PIK3CD: variants seen among roughly 807,000 people sequenced by gnomAD.
The protein encoded by PIK3CD is phosphatidylinositol-4,5-bisphosphate 3-kinase catalytic subunit delta, also known as phosphatidylinositol 4,5-bisphosphate 3-kinase catalytic subunit delta isoform.
In PIK3CD, 20 loss-of-function variants were observed where a neutral mutation model predicts 122.9. The ratio of observed to expected loss-of-function variants is 0.16; its 90% CI spans 0.11 to 0.24. The LOEUF is 0.24. PIK3CD is among the 10% of genes least tolerant of loss of function. PIK3CD has a pLI of 1.00. For missense variants in PIK3CD, 787 were observed against 1,406.3 expected (o/e 0.56, Z 7.04); for synonymous variants, 596 against 593.4 (o/e 1.00, Z -0.06).
intron 1 of PIK3CD, among the ~76,000 whole-genome samples, chr1:9,666,798 G>A (rs6680148): frequency 0.17 from 25,503 of 151,666 alleles, 2,958 homozygotes; most frequent in East Asian, 0.54. Context: ...TCTGCCTCCC[G>A]GGTTCAGGCA....
chr1:9,705,297 T>A (rs962714601), intron 2 of PIK3CD, among the ~76,000 whole-genome samples: 2 of 149,946 alleles, frequency 1.3e-5, no homozygotes, highest in Admixed American at 6.6e-5. Context: ...AAACATATAT[T>A]TTTTTAAAGT....
At position 9,723,459 on chromosome 1, in the gene PIK3CD, C is replaced by T. The variant is rs922429320; in HGVS notation, c.2594+167C>T. On this transcript the variant is annotated intron_variant, in intron 20 of 23. Coordinates refer to ENST00000377346, the MANE Select transcript of PIK3CD (RefSeq NM_005026.5). The surrounding 1 kb of genome is among the most constrained non-coding windows in gnomAD (Gnocchi z 4.9). ...GTCTGGGTTGGGGTGAGGTAGGTCT[C>T]TCTTCCCCAAGTATCAGTGTCTCTT... Among the ~76,000 whole-genome samples the T allele has an allele frequency of 6.6e-6, 1 of 152,210 alleles. No individual in the cohort carries two copies. The highest frequency in any genetic ancestry group is 1.5e-5 in the Non-Finnish European group (1 of 68,034).
At chr1:9,632,170 G>A in the PIK3CD span, among the ~76,000 whole-genome samples, 19 of 151,874 alleles carry the variant, frequency 1.3e-4, no homozygotes, top group African/African-American at 4.1e-4. Flanking sequence ...GCGCCACCAC[G>A]CCCAGCTAAT....
At chr1:9,635,555 T>C in the PIK3CD span, among the ~76,000 whole-genome samples, 1 of 152,196 alleles carries the variant, frequency 6.6e-6, no homozygotes, top group South Asian at 2.1e-4. Flanking sequence ...AATCACTGAT[T>C]GGCTCGCCTT....
the PIK3CD span, among the ~76,000 whole-genome samples, chr1:9,640,628 G>A: frequency 1.3e-5 from 2 of 151,962 alleles, no homozygotes; most frequent in African/African-American, 4.8e-5. Flanking sequence ...TGGTGTGCTG[G>A]TGCATTCTCC....
chr1:9,673,622 C>T (rs1645408241), intron 1 of PIK3CD, among the ~76,000 whole-genome samples: 1 of 151,924 alleles, frequency 6.6e-6, no homozygotes, highest in Non-Finnish European at 1.5e-5. Flanking sequence ...AGGCTGGTCT[C>T]GAACTCCTGG....
rs1646090436 is a variant in PIK3CD, at chr1:9,689,166, C to A, written c.-137-2301C>A. Among the ~76,000 whole-genome samples, 1 of 152,188 alleles carries A rather than the reference C, an allele frequency of 6.6e-6. No individual in the cohort carries two copies. The highest frequency in any genetic ancestry group is 1.5e-5 in the Non-Finnish European group (1 of 68,032). On this transcript the variant is annotated intron_variant, in intron 1 of 23. Coordinates refer to ENST00000377346, the MANE Select transcript of PIK3CD (RefSeq NM_005026.5). This position sits in a 1 kb window ranked among gnomAD's most constrained non-coding sequence, Gnocchi z 6.1. ...GAGCGGAAAGCAGTTTGGTGGACGA[C>A]CAGCCCTCCCTTGCTTTGCAGGTGG...
At chr1:9,628,674 G>A in the PIK3CD span, among the ~76,000 whole-genome samples, 1 of 152,204 alleles carries the variant, frequency 6.6e-6, no homozygotes, top group Non-Finnish European at 1.5e-5. Flanking sequence ...GTGGCCCAGA[G>A]TTGGTGGCCC....
chr1:9,669,007 A>T (rs1299960053), intron 1 of PIK3CD, among the ~76,000 whole-genome samples: 1 of 152,050 alleles, frequency 6.6e-6, no homozygotes, highest in African/African-American at 2.4e-5. Context: ...TGTCTTGGTG[A>T]CTGTTCGCTG....
the PIK3CD span, among the ~76,000 whole-genome samples, chr1:9,645,011 T>TTTCC: frequency 9.5e-6 from 1 of 105,482 alleles, no homozygotes. Flanking sequence ...TTTTCTTTTC[T>TTTCC]TTTCTTTTCT....
chr1:9,683,423 G>C (rs1206742107), intron 1 of PIK3CD, among the ~76,000 whole-genome samples: 3 of 149,826 alleles, frequency 2.0e-5, no homozygotes, highest in Non-Finnish European at 4.4e-5. Flanking sequence ...GGGCGACAGA[G>C]TGAGACTCTG....
intron 1 of PIK3CD, among the ~76,000 whole-genome samples, chr1:9,675,387 A>G (rs1570154939): frequency 2.0e-5 from 2 of 99,628 alleles, no homozygotes; most frequent in Admixed American, 1.0e-4. Flanking sequence ...CTCCGTCTCA[A>G]AAAAAAAAAA....
In PIK3CD at chr1:9,724,548, T is replaced by C. The variant is rs527501011; in HGVS notation, c.2864+127T>C. The C allele has an allele frequency of 8.1e-4, 926 of 1,145,398 alleles. 3 individuals carry two copies. Among genetic ancestry groups the C allele is most frequent in the Non-Finnish European group, 1.1e-3 (838 of 777,578 alleles). The allele number at this position is 1,145,398 out of a possible 1,614,324, so 71.0% of individuals were successfully genotyped here. A position where few individuals can be genotyped will look rare whatever the true frequency, so the allele number is the denominator to read the frequency against. ...CCCACACCTGGCCCCTCACCCCAAC[T>C]GTTGATGGGTTTGGAACATGCCCCT... On this transcript the variant is annotated intron_variant, in intron 22 of 23. Coordinates refer to ENST00000377346, the MANE Select transcript of PIK3CD (RefSeq NM_005026.5). The surrounding 1 kb of genome is among the most constrained non-coding windows in gnomAD (Gnocchi z 7.3).
Position 9,652,688 on chromosome 1 carries a change from G to A in PIK3CD, c.-138+886G>A, listed in dbSNP as rs1229381940. The A allele has an allele frequency of 2.0e-5, 3 of 152,290 alleles. No homozygotes were observed. The highest frequency in any genetic ancestry group is 4.4e-5 in the Non-Finnish European group (3 of 68,068). The allele number at this position is 152,290 out of a possible 1,614,324, so 9.4% of individuals were successfully genotyped here. A position where few individuals can be genotyped will look rare whatever the true frequency, so the allele number is the denominator to read the frequency against. Reference sequence around the variant, plus strand: ...GCACCTCCTCCTTTGAGGTAGAGAAGAGGGGAACTGGGACGACCTTTCGTG... The same window carrying A: ...GCACCTCCTCCTTTGAGGTAGAGAAAAGGGGAACTGGGACGACCTTTCGTG... On this transcript the variant is annotated intron_variant, in intron 1 of 23. Transcript: ENST00000377346. This position sits in a 1 kb window ranked among gnomAD's most constrained non-coding sequence, Gnocchi z 6.2.
rs1162048316 is a variant in PIK3CD at position 9,660,938 on chromosome 1, C to CT, written c.-138+9150dup. 244 of 142,924 alleles carry CT rather than the reference C, an allele frequency of 1.7e-3. 1 individual carries two copies. Among genetic ancestry groups the CT allele is most frequent in the South Asian group, 5.1e-3 (23 of 4,530 alleles). The allele number at this position is 142,924 out of a possible 1,614,324, so 8.9% of individuals were successfully genotyped here. ...TTTGTTCTTGCTTTCTTTTTTCTTT[C>CT]TTTTTTTTTTTTTTGAGACAGAGTC... On this transcript the variant is annotated intron_variant, in intron 1 of 23. Transcript: ENST00000377346.
intron 5 of PIK3CD, 178 bp downstream of exon 5, chr1:9,716,256 G>T: frequency 2.5e-6 from 2 of 809,188 alleles, no homozygotes; most frequent in Non-Finnish European, 4.1e-6. Context: ...GCTCAACGTG[G>T]CAGGATAACC....
chr1:9,692,185 G>T (rs1015164730), intron 2 of PIK3CD, among the ~76,000 whole-genome samples: 4 of 152,202 alleles, frequency 2.6e-5, no homozygotes, highest in African/African-American at 9.6e-5. Flanking sequence ...GGAATAGCTG[G>T]GTCTGGCTTG....
At position 9,723,605 on chromosome 1, in the gene PIK3CD, T is replaced by C. The variant is rs1367552442; in HGVS notation, c.2594+313T>C. On this transcript the variant is annotated intron_variant, in intron 20 of 23. Transcript: ENST00000377346. This position sits in a 1 kb window ranked among gnomAD's most constrained non-coding sequence, Gnocchi z 4.9. ...TTTTCTGCTGGTTCCACATAATCAC[T>C]CATGCAGCTGTTCTCATCTGGTGCC... 6.6e-6 allele frequency among the ~76,000 whole-genome samples: 1 copy of C among 152,164 alleles called. No homozygotes were observed. Among genetic ancestry groups the C allele is most frequent in the Non-Finnish European group, 1.5e-5 (1 of 68,020 alleles).
chr1:9,666,015 C>T (rs1434500110), intron 1 of PIK3CD, among the ~76,000 whole-genome samples: 1 of 152,200 alleles, frequency 6.6e-6, no homozygotes, highest in Non-Finnish European at 1.5e-5. Flanking sequence ...CAACCTCCTT[C>T]TCCTGGCTTC....
Sources: allele counts gnomAD v4.1 joint callset (sites outside exome capture counted in the v4.1 genomes callset), GRCh38; gene constraint gnomAD v4.1.1; non-coding constraint Gnocchi (gnomAD v3.1); transcripts MANE v1.5; gene names NCBI Gene and HGNC (gene_info 2026-07-23, HGNC 2026-07-21).